TK2: variants seen among roughly 807,000 people sequenced by gnomAD.
TK2 encodes the protein thymidine kinase 2.
Under a neutral mutation model 41.9 loss-of-function variants are expected in TK2, and 35 were observed. The observed-to-expected ratio is 0.84, with a 90% CI of 0.64 to 1.11. The LOEUF (loss-of-function observed/expected upper bound fraction) is 1.11. TK2 is among the 50% of genes least tolerant of loss of function. TK2 has a pLI of 0.00. For missense variants in TK2, 320 were observed against 351.1 expected, an observed-to-expected ratio of 0.91 and a Z score of 0.71; for synonymous variants, 128 against 129.1, an observed-to-expected ratio of 0.99 and a Z score of 0.06.
chr16:66,521,102 C>T (rs745576841), intron 6 of TK2, among the ~76,000 whole-genome samples: 5 of 152,348 alleles, frequency 3.3e-5, no homozygotes, highest in Non-Finnish European at 5.9e-5. Flanking sequence ...TCGAGGGAGA[C>T]TCTGTCCAAT....
chr16:66,537,059 T>C, intron 3 of TK2, 42 bp from the exon 4 acceptor site: 1 of 1,610,348 alleles, frequency 6.2e-7, no homozygotes, highest in Non-Finnish European at 8.5e-7. Context: ...TTCTCTGTGC[T>C]GAACCCTGTA....
At chr16:66,545,262 T>G (rs1358575572) in intron 2 of TK2, among the ~76,000 whole-genome samples, 4 of 152,196 alleles carry the variant, frequency 2.6e-5, no homozygotes, top group African/African-American at 9.6e-5. Flanking sequence ...CTCGTAAATC[T>G]CAGCAATCAT....
intron 1 of TK2, chr16:66,549,736 C>CAA: frequency 7.8e-7 from 1 of 1,279,504 alleles, no homozygotes; most frequent in Non-Finnish European, 9.8e-7. Context: ...ATCCCAGAAC[C>CAA]AAAGCCGAGC....
intron 1 of TK2, 92 bp from the exon 2 acceptor site, chr16:66,549,101 T>C: frequency 1.3e-6 from 2 of 1,595,360 alleles, no homozygotes. Flanking sequence ...CACTAATGTT[T>C]ATGCTCACTC....
At chr16:66,542,167 GT>G (rs1347935084) in intron 2 of TK2, among the ~76,000 whole-genome samples, 3 of 152,056 alleles carry the variant, frequency 2.0e-5, no homozygotes, top group Admixed American at 2.0e-4. Flanking sequence ...GGCTCATGTG[GT>G]CCCCCCAGAC....
intron 4 of TK2, among the ~76,000 whole-genome samples, chr16:66,533,439 C>A (rs1319468910): frequency 6.7e-6 from 1 of 150,132 alleles, no homozygotes; most frequent in African/African-American, 2.4e-5. Flanking sequence ...AATCCCAGCA[C>A]TTTGGGAGCC....
At chr16:66,512,946 C>T (rs1964495804) in intron 9 of TK2, among the ~76,000 whole-genome samples, 1 of 152,168 alleles carries the variant, frequency 6.6e-6, no homozygotes, top group South Asian at 2.1e-4. Context: ...AAACAATGCT[C>T]CTATAGCCAT....
chr16:66,533,738 T>C (rs60886724), intron 4 of TK2, among the ~76,000 whole-genome samples: 9,804 of 152,070 alleles, frequency 0.064, 469 homozygotes, highest in South Asian at 0.17. Context: ...CCGGGCATGG[T>C]GGCTCACGTC....
chr16:66,515,843 G>A (rs916865216), intron 8 of TK2, among the ~76,000 whole-genome samples: 43 of 152,266 alleles, frequency 2.8e-4, no homozygotes, highest in African/African-American at 9.6e-4. Context: ...GGAATGCATC[G>A]TGCTGGCACC....
Position 66,508,485 on chromosome 16 carries a change from ATAAC to A in TK2, c.*3479_*3482del, listed in dbSNP as rs1284433162. 1 of 152,298 alleles carries A rather than the reference ATAAC, an allele frequency of 6.6e-6. No homozygotes were observed. Among genetic ancestry groups the A allele is most frequent in the African/African-American group, 2.4e-5 (1 of 41,474 alleles). The allele number at this position is 152,298 out of a possible 1,614,324, so 9.4% of individuals were successfully genotyped here. A position where few individuals can be genotyped will look rare whatever the true frequency, so the allele number is the denominator to read the frequency against. On this transcript the variant is annotated 3_prime_UTR_variant, in exon 10 of 10. Coordinates refer to ENST00000544898, the MANE Select transcript of TK2 (RefSeq NM_004614.5). Reference sequence around the variant, plus strand: ...TTGCAAGAGCTTGCCAATTATTTTAATAACTAACTCTTCAGGGTGGAGAGGGCCA... The same window carrying A: ...TTGCAAGAGCTTGCCAATTATTTTAATAACTCTTCAGGGTGGAGAGGGCCA...
intron 6 of TK2, among the ~76,000 whole-genome samples, chr16:66,526,492 G>A (rs1964936230): frequency 6.6e-6 from 1 of 152,202 alleles, no homozygotes; most frequent in Non-Finnish European, 1.5e-5. Flanking sequence ...GCTCATGCCT[G>A]TAATCCCAGT....
At chr16:66,545,776 A>C (rs1419968116) in intron 2 of TK2, among the ~76,000 whole-genome samples, 1 of 152,074 alleles carries the variant, frequency 6.6e-6, no homozygotes, top group Non-Finnish European at 1.5e-5. Flanking sequence ...GTGAGCCAAG[A>C]TCATGCCATT....
chr16:66,548,029 T>TG, intron 2 of TK2: 1 of 1,157,902 alleles, frequency 8.6e-7, no homozygotes, highest in Non-Finnish European at 1.2e-6. Context: ...GCCCAGGAGT[T>TG]GGAGGCCAGC....
intron 4 of TK2, among the ~76,000 whole-genome samples, chr16:66,532,155 G>T (rs1046838553): frequency 1.5e-5 from 2 of 134,252 alleles, no homozygotes; most frequent in African/African-American, 5.5e-5. Flanking sequence ...AAACCTTAAA[G>T]ACTCCACCAA....
At chr16:66,522,978 C>T (rs1964825907) in intron 6 of TK2, among the ~76,000 whole-genome samples, 1 of 152,212 alleles carries the variant, frequency 6.6e-6, no homozygotes, top group African/African-American at 2.4e-5. Flanking sequence ...CAGTTACATT[C>T]TGCACACCCC....
chr16:66,525,312 T>C (rs182806703), intron 6 of TK2, among the ~76,000 whole-genome samples: 1 of 152,360 alleles, frequency 6.6e-6, no homozygotes, highest in East Asian at 1.9e-4. Context: ...AAGCATGGTG[T>C]TTAATACAGG....
intron 3 of TK2, among the ~76,000 whole-genome samples, chr16:66,541,174 G>A (rs555725211): frequency 1.3e-5 from 2 of 152,226 alleles, no homozygotes; most frequent in African/African-American, 4.8e-5. Flanking sequence ...GTTTTGGCTT[G>A]GGTCCCATCC....
chr16:66,550,114 C>T lies in TK2; in HGVS notation c.-53G>A, dbSNP rs1965751824. ...GGGTTCCTTCTTGTGCGAGTCGGCG[C>T]GGACGACTGCTAGTCCAGCCGTTGG... is the stretch of plus-strand genomic sequence containing the variant. On this transcript the variant is annotated 5_prime_UTR_variant, in exon 1 of 10. Coordinates refer to ENST00000544898, the MANE Select transcript of TK2 (RefSeq NM_004614.5). 6 of 1,610,554 alleles carry T rather than the reference C, an allele frequency of 3.7e-6. No individual in the cohort carries two copies. Among genetic ancestry groups the T allele is most frequent in the Non-Finnish European group, 5.1e-6 (6 of 1,179,294 alleles).
intron 4 of TK2, among the ~76,000 whole-genome samples, chr16:66,536,062 G>A (rs1339239877): frequency 1.3e-5 from 2 of 152,028 alleles, no homozygotes; most frequent in African/African-American, 2.4e-5. Context: ...AAATTAGCTG[G>A]GCATGGTCGT....
Sources: gnomAD v4.1 joint callset for allele counts (sites outside exome capture counted in the v4.1 genomes callset) on GRCh38, gnomAD v4.1.1 for gene constraint, MANE v1.5 for transcripts, NCBI Gene and HGNC (gene_info 2026-07-23, HGNC 2026-07-21) for gene names.